The following NBAS variants were observed in gnomAD, a reference collection of about 807,000 sequenced individuals.
The protein encoded by NBAS is NBAS subunit of NRZ tethering complex.
Under a neutral mutation model 302.5 loss-of-function variants are expected in NBAS, and 219 were observed. The observed-to-expected ratio is 0.72, with a 90% CI of 0.65 to 0.81. The LOEUF (loss-of-function observed/expected upper bound fraction) is 0.81, where lower values mean the gene tolerates loss of function less well. NBAS is among the 30% of genes least tolerant of loss of function. The pLI, the probability that NBAS is intolerant of heterozygous loss-of-function variation, is 0.00. For missense variants in NBAS, 2,932 were observed against 2,841.6 expected (o/e 1.03, Z -0.72); for synonymous variants, 1,118 against 1,021.6 (o/e 1.09, Z -1.80).
chr2:15,407,283 G>A (rs767541870), intron 25 of NBAS, among the ~76,000 whole-genome samples: 51 of 152,180 alleles, frequency 3.4e-4, no homozygotes, highest in Non-Finnish European at 6.2e-4. Flanking sequence ...AAGAGAAAGT[G>A]CACAGAAAAT....
the NBAS span, among the ~76,000 whole-genome samples, chr2:14,799,868 G>C: frequency 6.6e-6 from 1 of 152,088 alleles, no homozygotes; most frequent in Non-Finnish European, 1.5e-5. Context: ...TAATAATATA[G>C]TCACTCCACT....
intron 31 of NBAS, among the ~76,000 whole-genome samples, chr2:15,372,191 T>C (rs1411324625): frequency 6.6e-6 from 1 of 152,164 alleles, no homozygotes; most frequent in Non-Finnish European, 1.5e-5. Flanking sequence ...CCAAATGAAA[T>C]ATTCAAAGGC....
intron 38 of NBAS, among the ~76,000 whole-genome samples, chr2:15,318,362 C>A (rs1377632300): frequency 6.6e-6 from 1 of 152,158 alleles, no homozygotes; most frequent in Non-Finnish European, 1.5e-5. Flanking sequence ...AACCAGCTAA[C>A]ATCATAAAGA....
chr2:15,543,496 T>C lies in NBAS; in HGVS notation c.380-4140A>G, dbSNP rs115198842. ...GTTTTCATGCTGTTGATAAGACATA[T>C]CTGAGACTGGGCAATTTACAAAAGA... On this transcript the variant is annotated intron_variant, in intron 6 of 51. Coordinates refer to ENST00000281513, the MANE Select transcript of NBAS (RefSeq NM_015909.4). 5.0e-3 allele frequency among the ~76,000 whole-genome samples: 758 copies of C among 152,324 alleles called. 9 individuals are homozygous for C. Among genetic ancestry groups the C allele is most frequent in the African/African-American group, 0.017 (703 of 41,562 alleles).
chr2:15,524,448 T>C (rs531218054), intron 9 of NBAS, among the ~76,000 whole-genome samples: 1 of 152,184 alleles, frequency 6.6e-6, no homozygotes, highest in Non-Finnish European at 1.5e-5. Context: ...CTGACTGGCA[T>C]GTTGTAGGCT....
At chr2:15,390,430 T>C (rs980528646) in intron 28 of NBAS, among the ~76,000 whole-genome samples, 1 of 152,116 alleles carries the variant, frequency 6.6e-6, no homozygotes, top group African/African-American at 2.4e-5. Flanking sequence ...AAAACAGTGG[T>C]TACTATAAAG....
the NBAS span, among the ~76,000 whole-genome samples, chr2:14,972,023 A>G: frequency 6.6e-6 from 1 of 152,060 alleles, no homozygotes; most frequent in East Asian, 1.9e-4. Flanking sequence ...TCTGTTTCTC[A>G]CCATGCATAA....
intron 51 of NBAS, chr2:15,178,197 T>C (rs1558412005): frequency 6.4e-6 from 3 of 468,364 alleles, no homozygotes; most frequent in Non-Finnish European, 1.3e-5. Flanking sequence ...TGCATGTGTA[T>C]ATATACATAT....
chr2:14,923,860 G>A, the NBAS span, among the ~76,000 whole-genome samples: 1 of 152,120 alleles, frequency 6.6e-6, no homozygotes, highest in African/African-American at 2.4e-5. Flanking sequence ...GGCATTTTTG[G>A]AAAAATCTTC....
At chr2:15,232,591 G>T in intron 46 of NBAS, 80 bp from the exon 47 acceptor site, 1 of 1,330,442 alleles carries the variant, frequency 7.5e-7, no homozygotes, top group Non-Finnish European at 1.1e-6. Flanking sequence ...ACCCTTAAAT[G>T]AACCTGGCTG....
At chr2:15,350,317 T>G (rs1259092568) in intron 35 of NBAS, among the ~76,000 whole-genome samples, 1 of 151,802 alleles carries the variant, frequency 6.6e-6, no homozygotes, top group Admixed American at 6.6e-5. Context: ...CCACAATAGG[T>G]GTCTCCCAAA....
At chr2:14,923,638 A>G in the NBAS span, among the ~76,000 whole-genome samples, 1,094 of 152,312 alleles carry the variant, frequency 7.2e-3, 14 homozygotes, top group African/African-American at 0.025. Flanking sequence ...ACATTTCACA[A>G]CGTAGGACAT....
At chr2:15,177,629 G>A (rs1029234090) in intron 51 of NBAS, among the ~76,000 whole-genome samples, 1 of 152,032 alleles carries the variant, frequency 6.6e-6, no homozygotes, top group Non-Finnish European at 1.5e-5. Context: ...GTACGAGGGT[G>A]GGGAGGAAAA....
chr2:14,874,583 T>C, the NBAS span, among the ~76,000 whole-genome samples: 1 of 148,026 alleles, frequency 6.8e-6, no homozygotes, highest in Admixed American at 6.7e-5. Context: ...GAGCTTGCAG[T>C]GAGCCAAGAT....
the NBAS span, among the ~76,000 whole-genome samples, chr2:15,137,938 A>T: frequency 6.6e-6 from 1 of 152,094 alleles, no homozygotes; most frequent in Non-Finnish European, 1.5e-5. Context: ...TCCAGCTAAA[A>T]TGGCAGGATT....
At chr2:15,348,610 G>A (rs1367748032) in intron 35 of NBAS, among the ~76,000 whole-genome samples, 4 of 151,146 alleles carry the variant, frequency 2.6e-5, no homozygotes, top group Non-Finnish European at 4.4e-5. Context: ...ATGCTCAACA[G>A]AAAAATGATA....
At chr2:15,240,117 T>A (rs1667794020) in intron 44 of NBAS, among the ~76,000 whole-genome samples, 1 of 152,112 alleles carries the variant, frequency 6.6e-6, no homozygotes, top group South Asian at 2.1e-4. Context: ...GATTTTTTTG[T>A]TTTAATAAAA....
chr2:15,517,588 A>G (rs1662461800), intron 9 of NBAS, among the ~76,000 whole-genome samples: 2 of 152,176 alleles, frequency 1.3e-5, no homozygotes. Context: ...GACACATTTA[A>G]TATTTGTTAA....
chr2:14,972,967 G>C, the NBAS span, among the ~76,000 whole-genome samples: 2 of 152,154 alleles, frequency 1.3e-5, no homozygotes, highest in Non-Finnish European at 1.5e-5. Flanking sequence ...ACACACAATG[G>C]AGAAAGGCCA....
Sources: gnomAD v4.1 joint callset for allele counts (sites outside exome capture counted in the v4.1 genomes callset) on GRCh38, gnomAD v4.1.1 for gene constraint, MANE v1.5 for transcripts, NCBI Gene and HGNC (gene_info 2026-07-23, HGNC 2026-07-21) for gene names.